SASH1: variants seen among roughly 807,000 people sequenced by gnomAD.
SASH1 encodes the protein SAM and SH3 domain-containing protein 1.
SASH1 carries 44 observed loss-of-function variants against 125.2 expected under a neutral mutation model. The observed-to-expected ratio is 0.35, with a 90% confidence interval of 0.28 to 0.45. The LOEUF is 0.45. SASH1 is among the 20% of genes least tolerant of loss of function. The pLI is 1.00. For synonymous variants in SASH1, 639 were observed against 649.1 expected (o/e 0.98, Z 0.24); for missense variants, 1,426 against 1,614.5 (o/e 0.88, Z 2.00).
the SASH1 span, among the ~76,000 whole-genome samples, chr6:148,194,777 G>C: frequency 6.6e-6 from 1 of 152,158 alleles, no homozygotes; most frequent in African/African-American, 2.4e-5. Context: ...TGTGGGGCGG[G>C]CTCCTGTAGT....
intron 16 of SASH1, among the ~76,000 whole-genome samples, chr6:148,536,799 A>AT (rs1294622316): frequency 4.6e-5 from 7 of 152,268 alleles, no homozygotes; most frequent in South Asian, 2.1e-4. Context: ...ACATCCTGAG[A>AT]TTTTTGTACC....
intron 7 of SASH1, among the ~76,000 whole-genome samples, chr6:148,484,104 T>C (rs1778738973): frequency 6.6e-6 from 1 of 152,194 alleles, no homozygotes; most frequent in South Asian, 2.1e-4. Context: ...AGAAATGAAT[T>C]TAAAAAGCAG....
chr6:148,549,593 A>G lies in SASH1; in HGVS notation c.*1035A>G. On this transcript the variant is annotated 3_prime_UTR_variant, in exon 20 of 20. Coordinates refer to ENST00000367467, the MANE Select transcript of SASH1 (RefSeq NM_015278.5). ...GCAAAAGGTCACTGTGAGGCTGCAT[A>G]TTTCAGAAAGATGTCCTTAATAAGG... The G allele has an allele frequency of 2.5e-6, 1 of 398,982 alleles. No individual in the cohort carries two copies. The highest frequency in any genetic ancestry group is 4.4e-6 in the Non-Finnish European group (1 of 226,028). The allele number at this position is 398,982 out of a possible 1,614,324, so 24.7% of individuals were successfully genotyped here.
chr6:148,436,126 G>A (rs997119788), intron 2 of SASH1, among the ~76,000 whole-genome samples: 2 of 152,134 alleles, frequency 1.3e-5, no homozygotes, highest in African/African-American at 2.4e-5. Context: ...TTGCTCTCAC[G>A]GTGTGGCTTT....
intron 8 of SASH1, among the ~76,000 whole-genome samples, chr6:148,501,705 A>G (rs1779567321): frequency 6.6e-6 from 1 of 152,184 alleles, no homozygotes; most frequent in Non-Finnish European, 1.5e-5. Flanking sequence ...GTGAAGGAGA[A>G]GCCAGTCCTC....
At chr6:148,522,616 A>G (rs889969074) in intron 10 of SASH1, among the ~76,000 whole-genome samples, 2 of 152,178 alleles carry the variant, frequency 1.3e-5, no homozygotes, top group Non-Finnish European at 2.9e-5. Context: ...ACATTTTGCA[A>G]TTTTGTCCAT....
chr6:148,428,539 G>GA (rs2114968794), intron 2 of SASH1, among the ~76,000 whole-genome samples: 1 of 146,128 alleles, frequency 6.8e-6, no homozygotes, highest in Admixed American at 7.0e-5. Context: ...TGAGGGAGGA[G>GA]AATTGCTTGA....
At chr6:148,363,885 A>G (rs1383645895) in intron 1 of SASH1, among the ~76,000 whole-genome samples, 49 of 152,138 alleles carry the variant, frequency 3.2e-4, no homozygotes, top group Admixed American at 2.9e-3. Flanking sequence ...GAAACCACTT[A>G]TAGGATATTT....
At chr6:148,504,895 G>A (rs768102421) in intron 8 of SASH1, among the ~76,000 whole-genome samples, 4 of 152,200 alleles carry the variant, frequency 2.6e-5, no homozygotes, top group Admixed American at 6.5e-5. Flanking sequence ...GGACAAGGTC[G>A]GCTCTCTCTC....
chr6:148,344,819 G>A (rs1011530488), intron 1 of SASH1, among the ~76,000 whole-genome samples: 1 of 150,280 alleles, frequency 6.7e-6, no homozygotes, highest in Non-Finnish European at 1.5e-5. Context: ...GCAGTGGCAC[G>A]AGCTCAGCTC....
intron 1 of SASH1, among the ~76,000 whole-genome samples, chr6:148,332,158 C>T (rs938919747): frequency 6.6e-6 from 1 of 152,032 alleles, no homozygotes; most frequent in African/African-American, 2.4e-5. Flanking sequence ...ACAGGTAATG[C>T]TTTAGCATGG....
chr6:148,255,978 T>A, the SASH1 span, among the ~76,000 whole-genome samples: 4 of 141,968 alleles, frequency 2.8e-5, no homozygotes, highest in Non-Finnish European at 6.4e-5. Flanking sequence ...TTTAAACATG[T>A]AATCTTTAGT....
At chr6:148,408,464 A>G (rs1784469963) in intron 2 of SASH1, among the ~76,000 whole-genome samples, 2 of 152,192 alleles carry the variant, frequency 1.3e-5, no homozygotes, top group Admixed American at 1.3e-4. Context: ...TGTCTACACA[A>G]GTCTTTCCCC....
chr6:148,299,529 T>C (rs1245184346), intron 1 of SASH1, among the ~76,000 whole-genome samples: 1 of 151,562 alleles, frequency 6.6e-6, no homozygotes, highest in Non-Finnish European at 1.5e-5. Flanking sequence ...TAGCCGGGCA[T>C]AGTGGTGCAC....
At chr6:148,375,714 A>G (rs7760400) in intron 1 of SASH1, among the ~76,000 whole-genome samples, 9,309 of 152,302 alleles carry the variant, frequency 0.061, 346 homozygotes, top group South Asian at 0.17. Flanking sequence ...AGATGCATAG[A>G]TATGGATACA....
chr6:148,512,058 G>A (rs544006066), intron 8 of SASH1, among the ~76,000 whole-genome samples: 2 of 147,076 alleles, frequency 1.4e-5, no homozygotes, highest in East Asian at 2.0e-4. Flanking sequence ...TCGCTCTGTC[G>A]CCCAGGCTGG....
intron 2 of SASH1, among the ~76,000 whole-genome samples, chr6:148,394,746 G>A (rs1404498183): frequency 6.6e-6 from 1 of 152,114 alleles, no homozygotes; most frequent in Non-Finnish European, 1.5e-5. Context: ...CTGGGTTCAA[G>A]CGATTCTCTT....
chr6:148,232,821 G>T, the SASH1 span, among the ~76,000 whole-genome samples: 4 of 152,278 alleles, frequency 2.6e-5, no homozygotes, highest in African/African-American at 7.2e-5. Flanking sequence ...CTAGCTTTTA[G>T]TGTTTCTTTA....
intron 5 of SASH1, among the ~76,000 whole-genome samples, chr6:148,469,362 C>T (rs1777993192): frequency 6.6e-6 from 1 of 152,102 alleles, no homozygotes; most frequent in South Asian, 2.1e-4. Flanking sequence ...TTAGCTATTA[C>T]CATTTATTAG....
Sources: allele counts gnomAD v4.1 joint callset (sites outside exome capture counted in the v4.1 genomes callset), GRCh38; gene constraint gnomAD v4.1.1; transcripts MANE v1.5; gene names NCBI Gene and HGNC (gene_info 2026-07-23, HGNC 2026-07-21).